Variants in CRYBB1 observed in about 807,000 individuals in gnomAD.
CRYBB1 encodes the protein crystallin beta B1.
In CRYBB1, 16 loss-of-function variants were observed where a neutral mutation model predicts 29.5. The ratio of observed to expected loss-of-function variants is 0.54; its 90% CI spans 0.37 to 0.82. CRYBB1 has a LOEUF of 0.82. CRYBB1 is among the 40% of genes least tolerant of loss of function. The probability of loss-of-function intolerance (pLI) is 0.00; values close to 1 mark genes in which losing one functional copy is unlikely to be tolerated. For missense variants in CRYBB1, 300 were observed against 350.5 expected, an observed-to-expected ratio of 0.86 and a Z score of 1.15; for synonymous variants, 127 against 136.7, an observed-to-expected ratio of 0.93 and a Z score of 0.49.
chr22:26,611,404 G>A (rs1054783475), intron 3 of CRYBB1, among the ~76,000 whole-genome samples: 2 of 152,058 alleles, frequency 1.3e-5, no homozygotes, highest in Admixed American at 6.5e-5. Context: ...ACAGCGAGTG[G>A]ACACTTCACT....
chr22:26,611,995 C>A, intron 3 of CRYBB1, 77 bp downstream of exon 3: 1 of 1,064,826 alleles, frequency 9.4e-7, no homozygotes, highest in Non-Finnish European at 1.5e-6. Flanking sequence ...AGAGCAGATG[C>A]TGGAGAAATG....
intron 1 of CRYBB1, among the ~76,000 whole-genome samples, chr22:26,617,286 C>T (rs1371441905): frequency 6.6e-6 from 1 of 152,116 alleles, no homozygotes; most frequent in Non-Finnish European, 1.5e-5. Context: ...TGTCCCCGGA[C>T]AAAAATAATG....
intron 4 of CRYBB1, 125 bp from the exon 5 acceptor site, chr22:26,602,146 A>G (rs1928841423): frequency 1.6e-5 from 19 of 1,197,582 alleles, no homozygotes; most frequent in Non-Finnish European, 2.2e-5. Context: ...GGGACTCTCC[A>G]GGGACCACTG....
chr22:26,601,230 G>T (rs533042329), intron 5 of CRYBB1, among the ~76,000 whole-genome samples: 1 of 152,320 alleles, frequency 6.6e-6, no homozygotes, highest in Admixed American at 6.5e-5. Context: ...GTCATTTGGA[G>T]GCAGGGGGAT....
chr22:26,614,105 T>C (rs1322966548), intron 2 of CRYBB1, among the ~76,000 whole-genome samples: 1 of 152,212 alleles, frequency 6.6e-6, no homozygotes, highest in Non-Finnish European at 1.5e-5. Flanking sequence ...ATGTTATCAA[T>C]GACAATGGTG....
rs1928747538 is a variant in CRYBB1, at chr22:26,599,283, T to C, written c.*207A>G. The C allele has an allele frequency of 3.4e-6, 2 of 589,642 alleles. No homozygotes were observed. Among genetic ancestry groups the C allele is most frequent in the South Asian group, 4.2e-5 (2 of 47,110 alleles). The allele number at this position is 589,642 out of a possible 1,614,324, so 36.5% of individuals were successfully genotyped here. On this transcript the variant is annotated 3_prime_UTR_variant, in exon 6 of 6. Coordinates refer to ENST00000647684, the MANE Select transcript of CRYBB1 (RefSeq NM_001887.4). ...CTCACATAACAGGCAGAAAGAACTT[T>C]TCAGTGTTTGCTGCTTTTATTATCG...
intron 4 of CRYBB1, among the ~76,000 whole-genome samples, chr22:26,603,868 G>A (rs1490026560): frequency 6.6e-6 from 1 of 152,106 alleles, no homozygotes; most frequent in East Asian, 1.9e-4. Flanking sequence ...AGGTTGCAGT[G>A]AGCCAAGATT....
chr22:26,607,946 G>A lies in CRYBB1; in HGVS notation c.375C>T (p.Asn125=). ...ILEKGEYPRW[N]TWSSSYRSDR... ...CACTGCGGTAGCTGCTCGACCATGTGTTCCAGCGAGGGTACTCGCCCTTCT... is the reference window on the plus strand; with the variant it reads ...CACTGCGGTAGCTGCTCGACCATGTATTCCAGCGAGGGTACTCGCCCTTCT... Residue 125 remains asparagine, a synonymous_variant, in exon 4 of 6, where the codon AAC becomes AAT. Transcript: ENST00000647684. 2 of 1,614,202 alleles carry A rather than the reference G, an allele frequency of 1.2e-6. No individual in the cohort carries two copies. The highest frequency in any genetic ancestry group is 1.1e-5 in the South Asian group (1 of 91,082).
intron 4 of CRYBB1, among the ~76,000 whole-genome samples, chr22:26,603,792 C>T (rs1928895397): frequency 6.6e-6 from 1 of 151,666 alleles, no homozygotes. Flanking sequence ...GGCGTGGTGG[C>T]ACGCACCTGT....
chr22:26,612,245 C>A, intron 2 of CRYBB1, 55 bp from the exon 3 acceptor site: 1 of 1,154,532 alleles, frequency 8.7e-7, no homozygotes, highest in South Asian at 1.2e-5. Context: ...GTCAAAAATT[C>A]ATTAAGTATC....
chr22:26,602,234 A>C (rs970370806), intron 4 of CRYBB1, among the ~76,000 whole-genome samples: 1 of 152,060 alleles, frequency 6.6e-6, no homozygotes, highest in East Asian at 1.9e-4. Context: ...GGATGAAATG[A>C]GTGTATCCAT....
intron 3 of CRYBB1, among the ~76,000 whole-genome samples, chr22:26,609,795 T>C (rs1929100387): frequency 6.6e-6 from 1 of 152,204 alleles, no homozygotes; most frequent in South Asian, 2.1e-4. Flanking sequence ...TGAATTCTAA[T>C]CCAAGCTTTG....
intron 2 of CRYBB1, among the ~76,000 whole-genome samples, chr22:26,614,656 A>C (rs942371965): frequency 2.0e-5 from 3 of 152,190 alleles, no homozygotes; most frequent in African/African-American, 7.2e-5. Context: ...AAGTACAAAG[A>C]AAAGCCCAGA....
intron 1 of CRYBB1, among the ~76,000 whole-genome samples, chr22:26,617,673 A>C (rs1929400331): frequency 1.3e-5 from 2 of 149,372 alleles, no homozygotes; most frequent in South Asian, 2.1e-4. Context: ...CTTTCTGCCT[A>C]TCTGCCTGTC....
In CRYBB1 at chr22:26,607,560, G is replaced by GGA. The variant is rs569516430; in HGVS notation, c.432+328_432+329insTC. 7.0e-3 allele frequency among the ~76,000 whole-genome samples: 819 copies of GGA among 116,294 alleles called. 16 individuals carry two copies. Among genetic ancestry groups the GGA allele is most frequent in the Admixed American group, 0.035 (382 of 10,920 alleles). 76.3% of individuals were successfully genotyped at this position (116,294 alleles called of 152,430 possible). On this transcript the variant is annotated intron_variant, in intron 4 of 5. Transcript: ENST00000647684. ...GGACACAGCAAAACCCCATCTTTGGGAAAAAAAAAAAAAAAAAAAGCTCCC... is the reference window on the plus strand; with the variant it reads ...GGACACAGCAAAACCCCATCTTTGGGGAAAAAAAAAAAAAAAAAAAAGCTCCC...
chr22:26,602,063 G>A, intron 4 of CRYBB1, 42 bp from the exon 5 acceptor site: 1 of 1,610,100 alleles, frequency 6.2e-7, no homozygotes, highest in Non-Finnish European at 8.5e-7. Context: ...AAGTACAAAT[G>A]GGACAAAGAG....
intron 4 of CRYBB1, 101 bp from the exon 5 acceptor site, chr22:26,602,122 G>T (rs1928840488): frequency 1.4e-6 from 2 of 1,468,280 alleles, no homozygotes; most frequent in East Asian, 2.3e-5. Context: ...AGATGAGCCT[G>T]TTCAGGCTGC....
rs750718812 is a variant in CRYBB1 at position 26,601,916 on chromosome 22, T to C, written c.538A>G (p.Ser180Gly). The C allele has an allele frequency of 6.2e-7, 1 of 1,612,706 alleles. No individual in the cohort carries two copies. The highest frequency in any genetic ancestry group is 1.1e-5 in the South Asian group (1 of 91,008). ...ACCTTCACGCTGCCCACGCGGTCAC[T>C]GAAGCCGTAGACCCAGAGACTGGGT... ...DAPSLWVYGF[S>G]DRVGSVKVSS... The change falls in exon 5 of 6, where the codon AGT becomes GGT. Residue 180 changes from serine to glycine, a missense_variant. Coordinates refer to ENST00000647684, the MANE Select transcript of CRYBB1 (RefSeq NM_001887.4).
chr22:26,601,191 C>A lies in CRYBB1; in HGVS notation c.575+688G>T, dbSNP rs140529472. Among the ~76,000 whole-genome samples the A allele has an allele frequency of 1.4e-4, 22 of 152,248 alleles. No homozygotes were observed. In the East Asian group the frequency reaches 4.1e-3, roughly 28 times the overall value. On this transcript the variant is annotated intron_variant, in intron 5 of 5. Coordinates refer to ENST00000647684, the MANE Select transcript of CRYBB1 (RefSeq NM_001887.4). ...ATGGAGAGACAGAGCCTTACGTTTA[C>A]CTAGAGGAGATCAAGGGTGTCTGGC...
Sources: gnomAD v4.1 joint callset for allele counts (sites outside exome capture counted in the v4.1 genomes callset) on GRCh38, gnomAD v4.1.1 for gene constraint, MANE v1.5 for transcripts, NCBI Gene and HGNC (gene_info 2026-07-23, HGNC 2026-07-21) for gene names.